The following KLHL1 variants were observed in gnomAD, a reference collection of about 807,000 sequenced individuals.
KLHL1 encodes the protein kelch like family member 1.
In KLHL1, 47 loss-of-function variants were observed where a neutral mutation model predicts 77.7. The ratio of observed to expected loss-of-function variants is 0.60; its 90% CI spans 0.48 to 0.77. The LOEUF (loss-of-function observed/expected upper bound fraction) is 0.77, where lower values mean the gene tolerates loss of function less well. Among genes scored for constraint, KLHL1 ranks in the 30% least tolerant of loss-of-function variants. The pLI, the probability that KLHL1 is intolerant of heterozygous loss-of-function variation, is 0.00. For missense variants in KLHL1, 925 were observed against 910.8 expected (o/e 1.02, Z -0.20); for synonymous variants, 360 against 325.2 (o/e 1.11, Z -1.15).
intron 6 of KLHL1, among the ~76,000 whole-genome samples, chr13:69,828,796 C>G (rs1878645439): frequency 6.7e-6 from 1 of 149,906 alleles, no homozygotes; most frequent in South Asian, 2.1e-4. Context: ...CCACCACTTC[C>G]CTGGCAACCT....
At chr13:70,033,441 C>T (rs1409870012) in intron 1 of KLHL1, among the ~76,000 whole-genome samples, 1 of 151,874 alleles carries the variant, frequency 6.6e-6, no homozygotes, top group Non-Finnish European at 1.5e-5. Context: ...AGGTGCCCAC[C>T]ACCACGCCTG....
chr13:70,076,612 G>C (rs1299243754), intron 1 of KLHL1, among the ~76,000 whole-genome samples: 1 of 150,792 alleles, frequency 6.6e-6, no homozygotes, highest in East Asian at 1.9e-4. Flanking sequence ...ATCCATGAAA[G>C]AAAACAAAAA....
intron 6 of KLHL1, among the ~76,000 whole-genome samples, chr13:69,812,284 C>A (rs1593853497): frequency 6.6e-6 from 1 of 151,844 alleles, no homozygotes; most frequent in Non-Finnish European, 1.5e-5. Context: ...GTTATAATTT[C>A]TGTTATTTTA....
intron 1 of KLHL1, 37 bp downstream of exon 1, chr13:70,107,166 G>A (rs1256724285): frequency 7.8e-6 from 12 of 1,543,232 alleles, no homozygotes; most frequent in African/African-American, 1.4e-5. Flanking sequence ...AGTGGAAATT[G>A]AGAGATGCTT....
rs1387156754 is a variant in KLHL1 at position 70,108,081 on chromosome 13, G to A, written c.-382C>T. ...GGAGGTCTGAGCGCTCCGAAGCTCC[G>A]GAGGCGGCTGCAGCTGGATACACCT... On this transcript the variant is annotated 5_prime_UTR_variant, in exon 1 of 11. Coordinates refer to ENST00000377844, the MANE Select transcript of KLHL1 (RefSeq NM_020866.3). 4.8e-6 allele frequency: 2 copies of A among 416,180 alleles called. No homozygotes were observed. Among genetic ancestry groups the A allele is most frequent in the East Asian group, 3.5e-5 (1 of 28,636 alleles). The allele number at this position is 416,180 out of a possible 1,614,324, so 25.8% of individuals were successfully genotyped here. A position where few individuals can be genotyped will look rare whatever the true frequency, so the allele number is the denominator to read the frequency against.
chr13:69,871,042 G>T (rs1336462729), intron 5 of KLHL1, among the ~76,000 whole-genome samples: 1 of 152,032 alleles, frequency 6.6e-6, no homozygotes, highest in African/African-American at 2.4e-5. Context: ...TATTCTTTGT[G>T]GTGGCTCTGC....
At chr13:69,932,997 A>G (rs2138284741) in intron 4 of KLHL1, among the ~76,000 whole-genome samples, 1 of 151,916 alleles carries the variant, frequency 6.6e-6, no homozygotes, top group Admixed American at 6.6e-5. Context: ...ACAAAAACAA[A>G]AACAGAGGAA....
chr13:69,988,131 G>A (rs531318923), intron 1 of KLHL1, among the ~76,000 whole-genome samples: 7 of 151,832 alleles, frequency 4.6e-5, no homozygotes, highest in Non-Finnish European at 7.4e-5. Flanking sequence ...ACACCCTCAA[G>A]TTGGCCCCAG....
intron 2 of KLHL1, among the ~76,000 whole-genome samples, chr13:69,965,051 T>C (rs1040452918): frequency 6.6e-6 from 1 of 152,330 alleles, no homozygotes; most frequent in South Asian, 2.1e-4. Flanking sequence ...TTGGTTGTTA[T>C]TGGTATATTC....
At chr13:70,075,754 C>T (rs1306184078) in intron 1 of KLHL1, among the ~76,000 whole-genome samples, 2 of 75,192 alleles carry the variant, frequency 2.7e-5, no homozygotes, top group African/African-American at 4.0e-5. Context: ...TACACACATA[C>T]ACACACATAT....
intron 1 of KLHL1, among the ~76,000 whole-genome samples, chr13:70,071,804 A>AAT (rs1887144208): frequency 6.6e-6 from 1 of 152,074 alleles, no homozygotes; most frequent in Non-Finnish European, 1.5e-5. Flanking sequence ...TTAACCAATC[A>AAT]ATATATGTTC....
intron 1 of KLHL1, among the ~76,000 whole-genome samples, chr13:70,033,449 C>A (rs1886159418): frequency 6.6e-6 from 1 of 151,826 alleles, no homozygotes. Context: ...ACCACCACGC[C>A]TGGCTAATTT....
chr13:70,023,130 TAAAA>T, intron 1 of KLHL1, among the ~76,000 whole-genome samples: 1 of 151,920 alleles, frequency 6.6e-6, no homozygotes, highest in African/African-American at 2.4e-5. Flanking sequence ...TTTTCTGAGG[TAAAA>T]CAGATAACAT....
At chr13:69,773,882 T>TATATAC (rs1491245358) in intron 7 of KLHL1, among the ~76,000 whole-genome samples, 85 of 146,998 alleles carry the variant, frequency 5.8e-4, no homozygotes, top group African/African-American at 2.1e-3. Context: ...TATATATATA[T>TATATAC]ACATAGAATA....
chr13:69,843,858 GGTTTGTTACATATGTACACATGT>G (rs1879358291), intron 5 of KLHL1, among the ~76,000 whole-genome samples: 1 of 151,456 alleles, frequency 6.6e-6, no homozygotes, highest in Admixed American at 6.6e-5. Context: ...ACAATGTGGA[GGTTTGTTACATATGTACACATGT>G]GCCATGTTGG....
At chr13:69,991,607 A>C (rs963912604) in intron 1 of KLHL1, among the ~76,000 whole-genome samples, 1 of 151,904 alleles carries the variant, frequency 6.6e-6, no homozygotes, top group East Asian at 1.9e-4. Context: ...GGACATATAC[A>C]TTGAATGAAT....
chr13:69,975,506 T>A, intron 2 of KLHL1, 114 bp downstream of exon 2: 1 of 373,688 alleles, frequency 2.7e-6, no homozygotes, highest in Non-Finnish European at 3.9e-6. Flanking sequence ...ACAAAAAACT[T>A]AAAAAAATGT....
chr13:69,809,703 A>G (rs1330593048), intron 6 of KLHL1, among the ~76,000 whole-genome samples: 1 of 152,122 alleles, frequency 6.6e-6, no homozygotes, highest in Non-Finnish European at 1.5e-5. Context: ...CAATATCAAC[A>G]TTGAATATAA....
chr13:70,019,076 G>A (rs747046558), intron 1 of KLHL1, among the ~76,000 whole-genome samples: 71 of 152,106 alleles, frequency 4.7e-4, no homozygotes, highest in Non-Finnish European at 9.1e-4. Context: ...CTGACTTGAT[G>A]TCAGAGTCCA....
Sources: gnomAD v4.1 joint callset for allele counts (sites outside exome capture counted in the v4.1 genomes callset) on GRCh38, gnomAD v4.1.1 for gene constraint, MANE v1.5 for transcripts, NCBI Gene and HGNC (gene_info 2026-07-23, HGNC 2026-07-21) for gene names.